The following EBF1 variants were observed in gnomAD, a reference collection of about 807,000 sequenced individuals.
The protein encoded by EBF1 is EBF transcription factor 1, also known as transcription factor COE1.
EBF1 carries 10 observed loss-of-function variants against 68.4 expected under a neutral mutation model. That is an observed-to-expected ratio of 0.15 (90% confidence interval 0.09 to 0.25). EBF1 has a LOEUF of 0.25. EBF1 is among the 10% of genes least tolerant of loss of function. The pLI, the probability that EBF1 is intolerant of heterozygous loss-of-function variation, is 1.00. For missense variants in EBF1, 509 were observed against 794.4 expected, an observed-to-expected ratio of 0.64 and a Z score of 4.32; for synonymous variants, 298 against 299.8, an observed-to-expected ratio of 0.99 and a Z score of 0.06.
intron 15 of EBF1, among the ~76,000 whole-genome samples, chr5:158,705,266 C>T (rs1228152556): frequency 2.6e-5 from 4 of 152,224 alleles, no homozygotes; most frequent in African/African-American, 9.6e-5. Flanking sequence ...CAGGTGTGAA[C>T]CACCACGCCC....
intron 15 of EBF1, among the ~76,000 whole-genome samples, chr5:158,701,414 A>C (rs929544327): frequency 6.6e-6 from 1 of 152,088 alleles, no homozygotes; most frequent in Non-Finnish European, 1.5e-5. Flanking sequence ...AGTGTGTTAG[A>C]TCAACTAGAT....
chr5:159,054,642 G>T (rs1205002913), intron 6 of EBF1, among the ~76,000 whole-genome samples: 1 of 152,092 alleles, frequency 6.6e-6, no homozygotes, highest in Non-Finnish European at 1.5e-5. Context: ...TGCCTTAAAA[G>T]GAATTATACA....
intron 6 of EBF1, among the ~76,000 whole-genome samples, chr5:159,064,924 T>TG (rs1203572806): frequency 7.7e-6 from 1 of 129,618 alleles, no homozygotes; most frequent in African/African-American, 2.8e-5. Flanking sequence ...TTTTTTTTTT[T>TG]GGTCTCTGTA....
At chr5:158,750,728 A>T (rs1482143336) in intron 10 of EBF1, among the ~76,000 whole-genome samples, 1 of 152,042 alleles carries the variant, frequency 6.6e-6, no homozygotes. Flanking sequence ...ATATGAAAAA[A>T]TTATTTCAAA....
intron 15 of EBF1, among the ~76,000 whole-genome samples, chr5:158,707,225 C>G (rs1047669666): frequency 6.6e-6 from 1 of 152,170 alleles, no homozygotes; most frequent in Non-Finnish European, 1.5e-5. Flanking sequence ...ATATGACACA[C>G]AACAGAGTGC....
chr5:158,706,673 G>A (rs1473312326), intron 15 of EBF1, among the ~76,000 whole-genome samples: 1 of 152,180 alleles, frequency 6.6e-6, no homozygotes, highest in Non-Finnish European at 1.5e-5. Flanking sequence ...CTCCATCAGT[G>A]AGATGCCAGC....
chr5:159,032,832 G>T (rs1191358555), intron 6 of EBF1, among the ~76,000 whole-genome samples: 1 of 152,012 alleles, frequency 6.6e-6, no homozygotes, highest in East Asian at 1.9e-4. Flanking sequence ...TATCTCAAGA[G>T]GCTATCAAGA....
At chr5:159,015,984 A>C (rs1413513850) in intron 6 of EBF1, among the ~76,000 whole-genome samples, 5 of 152,230 alleles carry the variant, frequency 3.3e-5, no homozygotes, top group Non-Finnish European at 7.3e-5. Flanking sequence ...ACAAAAGGAA[A>C]ATCCATATGC....
chr5:158,935,558 A>G (rs1811831511), intron 6 of EBF1, among the ~76,000 whole-genome samples: 1 of 152,244 alleles, frequency 6.6e-6, no homozygotes, highest in African/African-American at 2.4e-5. Flanking sequence ...AAACATATGC[A>G]GAAGAAAAAC....
At chr5:158,929,169 T>C (rs1810324095) in intron 6 of EBF1, among the ~76,000 whole-genome samples, 1 of 152,136 alleles carries the variant, frequency 6.6e-6, no homozygotes. Flanking sequence ...AAAATCAAAG[T>C]ATGGCAGACA....
intron 15 of EBF1, among the ~76,000 whole-genome samples, chr5:158,699,553 C>T (rs1180009411): frequency 6.6e-6 from 1 of 152,206 alleles, no homozygotes; most frequent in African/African-American, 2.4e-5. Flanking sequence ...TCCATCCAAA[C>T]TGCAAGCAGT....
chr5:159,063,267 T>C (rs1487605574), intron 6 of EBF1, among the ~76,000 whole-genome samples: 1 of 152,152 alleles, frequency 6.6e-6, no homozygotes, highest in Admixed American at 6.5e-5. Context: ...AATTCCATAG[T>C]TGGAAAGGGT....
chr5:159,025,751 C>T (rs1047791364), intron 6 of EBF1, among the ~76,000 whole-genome samples: 4 of 152,316 alleles, frequency 2.6e-5, no homozygotes, highest in African/African-American at 9.6e-5. Flanking sequence ...CTTAATGTAT[C>T]TCAACAGGTC....
chr5:158,862,681 G>C lies in EBF1; in HGVS notation c.555-22571C>G, dbSNP rs569859207. Among the ~76,000 whole-genome samples, 346 of 152,164 alleles carry C rather than the reference G, an allele frequency of 2.3e-3. 3 individuals are homozygous for C. Among genetic ancestry groups the C allele is most frequent in the African/African-American group, 8.0e-3 (332 of 41,514 alleles). On this transcript the variant is annotated intron_variant, in intron 6 of 15. Transcript: ENST00000313708. ...ATGTCCAAGAGTAGGGTGAGAGAAA[G>C]CTCATTTTTTAAGCGATCTCTGCTT...
chr5:158,952,826 C>T, intron 6 of EBF1, among the ~76,000 whole-genome samples: 1 of 152,072 alleles, frequency 6.6e-6, no homozygotes, highest in East Asian at 1.9e-4. Flanking sequence ...TAATTAGCTG[C>T]AAATATCTGA....
At chr5:159,007,161 C>T (rs927260198) in intron 6 of EBF1, among the ~76,000 whole-genome samples, 1 of 151,880 alleles carries the variant, frequency 6.6e-6, no homozygotes, top group Admixed American at 6.6e-5. Context: ...ATAAATAAGT[C>T]ATTGTTGGCA....
chr5:159,075,484 C>T (rs567847543), intron 5 of EBF1, among the ~76,000 whole-genome samples: 6 of 152,206 alleles, frequency 3.9e-5, no homozygotes, highest in African/African-American at 1.2e-4. Flanking sequence ...TGCCCACAGA[C>T]CTGCCTGGGA....
In EBF1 at chr5:158,698,041, G is replaced by T. The variant is rs535206259; in HGVS notation, c.*1070C>A. On this transcript the variant is annotated 3_prime_UTR_variant, in exon 16 of 16. Coordinates refer to ENST00000313708, the MANE Select transcript of EBF1 (RefSeq NM_024007.5). ...TATTATGTTACAAATGGTAAGGGTCGACTGATAGAGGCAGTATCTGGAATG... is the reference window on the plus strand; with the variant it reads ...TATTATGTTACAAATGGTAAGGGTCTACTGATAGAGGCAGTATCTGGAATG... The T allele has an allele frequency of 2.3e-5, 5 of 215,226 alleles. No homozygotes were observed. The highest frequency in any genetic ancestry group is 1.9e-4 in the South Asian group (1 of 5,356). 13.3% of individuals were successfully genotyped at this position (215,226 alleles called of 1,614,324 possible).
intron 11 of EBF1, among the ~76,000 whole-genome samples, chr5:158,728,982 A>G (rs913155157): frequency 6.6e-6 from 1 of 152,210 alleles, no homozygotes; most frequent in Non-Finnish European, 1.5e-5. Flanking sequence ...CATTTTATCA[A>G]TGAAGAAACT....
Sources: allele counts gnomAD v4.1 joint callset (sites outside exome capture counted in the v4.1 genomes callset), GRCh38; gene constraint gnomAD v4.1.1; transcripts MANE v1.5; gene names NCBI Gene and HGNC (gene_info 2026-07-23, HGNC 2026-07-21).